Variants in NLN observed in about 807,000 individuals in gnomAD.
NLN encodes the protein neurolysin, also known as neurolysin, mitochondrial.
NLN carries 64 observed loss-of-function variants against 79.9 expected under a neutral mutation model. The ratio of observed to expected loss-of-function variants is 0.80; its 90% CI spans 0.65 to 0.99. The LOEUF is 0.99. Among genes scored for constraint, NLN ranks in the 50% least tolerant of loss-of-function variants. The probability of loss-of-function intolerance (pLI) is 0.00; values close to 1 mark genes in which losing one functional copy is unlikely to be tolerated. For synonymous variants in NLN, 267 were observed against 296.6 expected (o/e 0.90, Z 1.02); for missense variants, 835 against 858.7 (o/e 0.97, Z 0.34).
chr5:65,798,343 G>A (rs561409733), intron 9 of NLN, among the ~76,000 whole-genome samples: 5 of 152,072 alleles, frequency 3.3e-5, no homozygotes, highest in African/African-American at 4.8e-5. Context: ...GCGTATTTGC[G>A]CTCCCATTCC....
At chr5:65,788,754 T>A (rs1477671561) in intron 8 of NLN, among the ~76,000 whole-genome samples, 1 of 152,156 alleles carries the variant, frequency 6.6e-6, no homozygotes, top group East Asian at 1.9e-4. Flanking sequence ...GGTGGATTGC[T>A]TGAGTCTAGG....
rs1050863430 is a variant in NLN at position 65,824,643 on chromosome 5, G to T, written c.*1728G>T. The T allele has an allele frequency of 9.9e-5, 15 of 152,186 alleles. No homozygotes were observed. The highest frequency in any genetic ancestry group is 3.6e-4 in the African/African-American group (15 of 41,428). The allele number at this position is 152,186 out of a possible 1,614,324, so 9.4% of individuals were successfully genotyped here. A position where few individuals can be genotyped will look rare whatever the true frequency, so the allele number is the denominator to read the frequency against. ...TATTTCATAGAAAAACTAAATTGGT[G>T]TGGAAAGGCTGCACACAATAAAGTT... On this transcript the variant is annotated 3_prime_UTR_variant, in exon 13 of 13. Transcript: ENST00000380985.
intron 9 of NLN, among the ~76,000 whole-genome samples, chr5:65,804,781 TC>T (rs1760371382): frequency 6.6e-6 from 1 of 152,186 alleles, no homozygotes; most frequent in African/African-American, 2.4e-5. Flanking sequence ...TCTGCCTACC[TC>T]GGCCTTCTGA....
At chr5:65,784,400 G>A (rs1200560407) in intron 6 of NLN, among the ~76,000 whole-genome samples, 1 of 152,122 alleles carries the variant, frequency 6.6e-6, no homozygotes, top group East Asian at 1.9e-4. Context: ...TAGTTCATTT[G>A]TGCTGCTATA....
chr5:65,772,924 A>C (rs1759599636), intron 3 of NLN, among the ~76,000 whole-genome samples: 1 of 146,912 alleles, frequency 6.8e-6, no homozygotes, highest in African/African-American at 2.5e-5. Context: ...ATAATTCCTT[A>C]GCAAATTCAA....
intron 9 of NLN, among the ~76,000 whole-genome samples, chr5:65,799,440 T>G (rs1211103095): frequency 1.3e-5 from 2 of 152,218 alleles, no homozygotes; most frequent in African/African-American, 4.8e-5. Context: ...AAAATATCTT[T>G]GAGTTGTTTA....
At chr5:65,765,098 A>G (rs987596897) in intron 3 of NLN, among the ~76,000 whole-genome samples, 2 of 152,236 alleles carry the variant, frequency 1.3e-5, no homozygotes, top group Non-Finnish European at 2.9e-5. Context: ...AGCCTTCATT[A>G]ATGGCTGGGC....
chr5:65,816,144 T>C (rs978091349), intron 12 of NLN, among the ~76,000 whole-genome samples: 2 of 151,930 alleles, frequency 1.3e-5, no homozygotes, highest in Non-Finnish European at 2.9e-5. Context: ...TGAGCCAAGA[T>C]TGCACCATTG....
chr5:65,791,171 C>T (rs1350597630), intron 8 of NLN, among the ~76,000 whole-genome samples: 1 of 152,144 alleles, frequency 6.6e-6, no homozygotes, highest in East Asian at 1.9e-4. Context: ...GCTGTAATCC[C>T]AGCACTTTGG....
chr5:65,748,084 C>G (rs1344821016), intron 1 of NLN, among the ~76,000 whole-genome samples: 5 of 152,150 alleles, frequency 3.3e-5, no homozygotes, highest in African/African-American at 1.2e-4. Context: ...GCCTGTAATC[C>G]CAGCTACTTG....
chr5:65,790,827 T>C (rs1198092864), intron 8 of NLN, among the ~76,000 whole-genome samples: 2 of 152,224 alleles, frequency 1.3e-5, no homozygotes, highest in Non-Finnish European at 2.9e-5. Flanking sequence ...TCAGGAGTAA[T>C]CCTTTAATAT....
At chr5:65,731,695 T>A (rs1213208025) in intron 1 of NLN, among the ~76,000 whole-genome samples, 1 of 151,208 alleles carries the variant, frequency 6.6e-6, no homozygotes. Flanking sequence ...TCCTAGAAAG[T>A]CCTTCTCCAC....
chr5:65,816,903 G>C (rs568029248), intron 12 of NLN, among the ~76,000 whole-genome samples: 1 of 152,232 alleles, frequency 6.6e-6, no homozygotes, highest in Admixed American at 6.5e-5. Flanking sequence ...GCCTTCTATT[G>C]TTAGTCCCCA....
At chr5:65,814,723 A>T (rs1760629625) in intron 12 of NLN, among the ~76,000 whole-genome samples, 1 of 152,194 alleles carries the variant, frequency 6.6e-6, no homozygotes. Flanking sequence ...AAATCCAAAG[A>T]TAAAAATAAA....
chr5:65,777,252 G>A (rs1479253071), intron 3 of NLN, among the ~76,000 whole-genome samples, 175 bp from the exon 4 acceptor site: 2 of 152,200 alleles, frequency 1.3e-5, no homozygotes, highest in Non-Finnish European at 2.9e-5. Flanking sequence ...TTTTAAATGA[G>A]CAGGAGCTCA....
chr5:65,791,274 T>C (rs771236864), intron 8 of NLN, among the ~76,000 whole-genome samples: 1 of 151,850 alleles, frequency 6.6e-6, no homozygotes, highest in African/African-American at 2.4e-5. Flanking sequence ...ATACAAAAAT[T>C]AGGCTGTGCA....
intron 3 of NLN, among the ~76,000 whole-genome samples, chr5:65,771,521 T>C (rs1379319414): frequency 1.3e-5 from 2 of 152,232 alleles, no homozygotes; most frequent in Non-Finnish European, 2.9e-5. Flanking sequence ...CAGTGATCTA[T>C]TGTAATATTG....
chr5:65,783,106 T>C (rs886856211), intron 6 of NLN, among the ~76,000 whole-genome samples: 7 of 152,314 alleles, frequency 4.6e-5, no homozygotes, highest in Admixed American at 1.3e-4. Context: ...AAAAGTTTTA[T>C]CTTTCCAGAA....
At chr5:65,819,641 A>G (rs1760750427) in intron 12 of NLN, among the ~76,000 whole-genome samples, 2 of 152,188 alleles carry the variant, frequency 1.3e-5, no homozygotes, top group African/African-American at 4.8e-5. Context: ...TTCCTGAAGG[A>G]TGTTTCTAAT....
Sources: allele counts gnomAD v4.1 joint callset (sites outside exome capture counted in the v4.1 genomes callset), GRCh38; gene constraint gnomAD v4.1.1; transcripts MANE v1.5; gene names NCBI Gene and HGNC (gene_info 2026-07-23, HGNC 2026-07-21).